Variants in RNASE4 observed in about 807,000 individuals in gnomAD.
The protein encoded by RNASE4 is ribonuclease 4.
For missense variants in RNASE4, 194 were observed against 192.8 expected (o/e 1.01, Z -0.04); for synonymous variants, 93 against 71.4 (o/e 1.30, Z -1.52).
rs1195975869 is a variant in RNASE4, at chr14:20,693,547, G to A, written c.-17-5808G>A. 2.5e-6 allele frequency: 4 copies of A among 1,610,904 alleles called. No homozygotes were observed. The South Asian group carries it at 4.4e-5, about 18-fold the overall frequency. On this transcript the variant is annotated intron_variant, in intron 1 of 1. Coordinates refer to ENST00000555835, the MANE Select transcript of RNASE4 (RefSeq NM_002937.5). ...CCACACCTCCTTTTGCCCTCCGCAG[G>A]AGCCTGTGTTGGAAGAGATGGTGAT...
At chr14:20,692,732 A>G (rs1566601310) in intron 1 of RNASE4, among the ~76,000 whole-genome samples, 1 of 152,192 alleles carries the variant, frequency 6.6e-6, no homozygotes, top group Non-Finnish European at 1.5e-5. Flanking sequence ...CCACTCCCCT[A>G]AAACTCTCTT....
At chr14:20,689,389 C>G (rs965947645) in intron 1 of RNASE4, among the ~76,000 whole-genome samples, 2 of 152,128 alleles carry the variant, frequency 1.3e-5, no homozygotes, top group African/African-American at 2.4e-5. Context: ...ATGAATATGC[C>G]TTGGGTGTTA....
At chr14:20,696,305 GA>G (rs1209148820) in intron 1 of RNASE4, among the ~76,000 whole-genome samples, 1 of 152,164 alleles carries the variant, frequency 6.6e-6, no homozygotes, top group Non-Finnish European at 1.5e-5. Context: ...ACTGGCACCT[GA>G]GCAAGCATTC....
chr14:20,694,560 A>G (rs1887012209), intron 1 of RNASE4, among the ~76,000 whole-genome samples: 2 of 152,084 alleles, frequency 1.3e-5, no homozygotes, highest in Admixed American at 6.5e-5. Flanking sequence ...TTGGCCTCTC[A>G]AAGTGCTGGG....
chr14:20,687,474 C>CTG (rs1265346746), intron 1 of RNASE4, among the ~76,000 whole-genome samples: 1 of 152,126 alleles, frequency 6.6e-6, no homozygotes, highest in Non-Finnish European at 1.5e-5. Context: ...GGCCATGGGG[C>CTG]TGTGTGTGTG....
At chr14:20,698,572 A>G (rs1363620638) in intron 1 of RNASE4, among the ~76,000 whole-genome samples, 2 of 152,208 alleles carry the variant, frequency 1.3e-5, no homozygotes, top group Non-Finnish European at 2.9e-5. Flanking sequence ...AGCTATTATC[A>G]ACTGTCTTCT....
chr14:20,688,959 C>A (rs1886555694), intron 1 of RNASE4: 7 of 674,734 alleles, frequency 1.0e-5, no homozygotes, highest in Non-Finnish European at 1.3e-5. Flanking sequence ...TTTAAAGCCT[C>A]CAGGCTCAAG....
At chr14:20,693,077 G>T in intron 1 of RNASE4, among the ~76,000 whole-genome samples, 1 of 151,934 alleles carries the variant, frequency 6.6e-6, no homozygotes. Flanking sequence ...TCGATCTCCT[G>T]ACCTCGTGAT....
At chr14:20,685,923 C>G (rs1448712486) in intron 1 of RNASE4, among the ~76,000 whole-genome samples, 1 of 151,850 alleles carries the variant, frequency 6.6e-6, no homozygotes, top group Non-Finnish European at 1.5e-5. Flanking sequence ...ACCTGTAACC[C>G]CAGCTACTCG....
chr14:20,693,402 T>C (rs547602524), intron 1 of RNASE4: 369 of 1,063,252 alleles, frequency 3.5e-4, no homozygotes, highest in Non-Finnish European at 4.5e-4. Flanking sequence ...GTGAGGTTAA[T>C]GAGGAAGGGA....
At chr14:20,694,227 C>T (rs1047914832) in intron 1 of RNASE4, 1 of 627,738 alleles carries the variant, frequency 1.6e-6, no homozygotes, top group Non-Finnish European at 2.9e-6. Context: ...TGATCTTTCC[C>T]CCATTTTCTC....
rs746434077 is a variant in RNASE4 at position 20,699,449 on chromosome 14, C to T, written c.78C>T (p.Ser26=). ...TGGGGCTGGGGCTGGTCCAGCCCTCCTATGGCCAGGATGGCATGTACCAGC... is the reference window on the plus strand; with the variant it reads ...TGGGGCTGGGGCTGGTCCAGCCCTCTTATGGCCAGGATGGCATGTACCAGC... ...TLLGLGLVQP[S]YGQDGMYQRF... is the part of the protein sequence containing the mutation. The change falls in exon 2 of 2, where the codon TCC becomes TCT. Residue 26 remains serine (S), a synonymous_variant. Transcript: ENST00000555835. 9 of 1,613,556 alleles carry T rather than the reference C, an allele frequency of 5.6e-6. No individual in the cohort carries two copies. The highest frequency in any genetic ancestry group is 7.6e-6 in the Non-Finnish European group (9 of 1,179,818).
intron 1 of RNASE4, among the ~76,000 whole-genome samples, chr14:20,690,381 C>A (rs1290564519): frequency 1.3e-5 from 2 of 152,096 alleles, no homozygotes; most frequent in African/African-American, 4.8e-5. Context: ...AGGCTTTGCA[C>A]CCTTGGCTTA....
chr14:20,694,074 A>T, intron 1 of RNASE4: 1 of 1,580,646 alleles, frequency 6.3e-7, no homozygotes, highest in Non-Finnish European at 8.7e-7. Flanking sequence ...CTGCACCCAG[A>T]ACAGTGGTGG....
Position 20,689,788 on chromosome 14 carries a change from C to T in RNASE4, c.-18+5030C>T, listed in dbSNP as rs965575058. 5.9e-5 allele frequency among the ~76,000 whole-genome samples: 9 copies of T among 151,884 alleles called. No individual in the cohort carries two copies. The East Asian group carries it at 1.2e-3, about 20-fold the overall frequency. On this transcript the variant is annotated intron_variant, in intron 1 of 1. Coordinates refer to ENST00000555835, the MANE Select transcript of RNASE4 (RefSeq NM_002937.5). ...AAAATTAGCCAAGCGTGGTGGTGGC[C>T]GCCTGTAATCCCAGCTACTTGGGAG...
chr14:20,694,321 A>C, intron 1 of RNASE4: 3 of 294,080 alleles, frequency 1.0e-5, no homozygotes, highest in Non-Finnish European at 5.8e-6. Context: ...TTTTTTTGAG[A>C]TGGAGTCTCA....
At position 20,694,101 on chromosome 14, in the gene RNASE4, G is replaced by C. The variant is rs575051760; in HGVS notation, c.-17-5254G>C. 68 of 1,437,712 alleles carry C rather than the reference G, an allele frequency of 4.7e-5. No homozygotes were observed. In the East Asian group the frequency reaches 1.5e-3, roughly 32 times the overall value. The allele number at this position is 1,437,712 out of a possible 1,614,324, so 89.1% of individuals were successfully genotyped here. A position where few individuals can be genotyped will look rare whatever the true frequency, so the allele number is the denominator to read the frequency against. On this transcript the variant is annotated intron_variant, in intron 1 of 1. Coordinates refer to ENST00000555835, the MANE Select transcript of RNASE4 (RefSeq NM_002937.5). ...CAGTGGTGGCAACATTCATTGCCAA[G>C]GGCCCAAAGAAAGAGCTACCTGGAC...
Position 20,699,533 on chromosome 14 carries a change from C to T in RNASE4, c.162C>T (p.Asn54=). Residue 54 remains asparagine, a synonymous_variant, in exon 2 of 2, where the codon AAC becomes AAT. Transcript: ENST00000555835. ...CAGGTGGCAGTGATCGCTACTGCAA[C>T]TTGATGATGCAAAGACGGAAGATGA... The part of the protein sequence containing the change: ...EETGGSDRYC[N]LMMQRRKMTL... 1.9e-6 allele frequency: 3 copies of T among 1,614,220 alleles called. No individual in the cohort carries two copies. Among genetic ancestry groups the T allele is most frequent in the South Asian group, 1.1e-5 (1 of 91,082 alleles).
intron 1 of RNASE4, chr14:20,693,986 A>G: frequency 6.2e-7 from 1 of 1,614,088 alleles, no homozygotes; most frequent in Non-Finnish European, 8.5e-7. Context: ...CACTTGGATC[A>G]GTCAATTTTC....
Sources: allele counts gnomAD v4.1 joint callset (sites outside exome capture counted in the v4.1 genomes callset), GRCh38; gene constraint gnomAD v4.1.1; transcripts MANE v1.5; gene names NCBI Gene and HGNC (gene_info 2026-07-23, HGNC 2026-07-21).